The following MGAT4C variants were observed in gnomAD, a reference collection of about 807,000 sequenced individuals.
MGAT4C encodes alpha-1,3-mannosyl-glycoprotein 4-beta-N-acetylglucosaminyltransferase C.
A neutral mutation model predicts 40.1 loss-of-function variants in MGAT4C; 19 were observed. That is an observed-to-expected ratio of 0.47 (90% CI 0.33 to 0.70). The LOEUF (loss-of-function observed/expected upper bound fraction) is 0.70, where lower values mean the gene tolerates loss of function less well. Ranked by LOEUF, MGAT4C falls within the 30% of genes least tolerant of loss-of-function variation. The pLI is 0.02. For missense variants in MGAT4C, 491 were observed against 563.2 expected (o/e 0.87, Z 1.30); for synonymous variants, 181 against 187.1 (o/e 0.97, Z 0.27).
At chr12:86,351,759 TAATC>T (rs1225443478) in intron 3 of MGAT4C, among the ~76,000 whole-genome samples, 1 of 152,048 alleles carries the variant, frequency 6.6e-6, no homozygotes, top group East Asian at 1.9e-4. Flanking sequence ...CATACCATCT[TAATC>T]AGTCCTTAAA....
intron 1 of MGAT4C, among the ~76,000 whole-genome samples, chr12:86,215,252 C>T (rs960554022): frequency 6.6e-6 from 1 of 151,892 alleles, no homozygotes; most frequent in Non-Finnish European, 1.5e-5. Flanking sequence ...GTTTGTGTGA[C>T]TTAATTTCTA....
chr12:86,013,130 G>A (rs1010339865), intron 2 of MGAT4C, among the ~76,000 whole-genome samples: 1 of 152,178 alleles, frequency 6.6e-6, no homozygotes, highest in African/African-American at 2.4e-5. Context: ...GTAAGACCTT[G>A]TCTCTTCTTC....
intron 2 of MGAT4C, among the ~76,000 whole-genome samples, chr12:86,718,296 G>A (rs1275965668): frequency 3.3e-5 from 5 of 152,136 alleles, no homozygotes; most frequent in Admixed American, 3.3e-4. Flanking sequence ...GTTACCTGTT[G>A]TGGTATAAAA....
chr12:86,451,851 A>G (rs1457151686), intron 2 of MGAT4C, among the ~76,000 whole-genome samples: 2 of 152,144 alleles, frequency 1.3e-5, no homozygotes, highest in African/African-American at 4.8e-5. Context: ...TTTCACACTA[A>G]ACACACACAA....
In MGAT4C at chr12:85,976,512, C is replaced by T. The variant is rs1883993442; in HGVS notation, c.*2777G>A. ...TTTAGTGAGCTTAAATTATACAATT[C>T]TGAGGCATTATTTAAGGTGCATACT... On this transcript the variant is annotated 3_prime_UTR_variant, in exon 5 of 5. Coordinates refer to ENST00000611864, the MANE Select transcript of MGAT4C (RefSeq NM_001351288.2). The T allele has an allele frequency of 6.6e-6, 1 of 150,522 alleles. No homozygotes were observed. Among genetic ancestry groups the T allele is most frequent in the African/African-American group, 2.4e-5 (1 of 41,230 alleles). 9.3% of individuals were successfully genotyped at this position (150,522 alleles called of 1,614,324 possible). A position where few individuals can be genotyped will look rare whatever the true frequency, so the allele number is the denominator to read the frequency against.
At chr12:86,359,832 T>C (rs1267641903) in intron 3 of MGAT4C, among the ~76,000 whole-genome samples, 3 of 152,192 alleles carry the variant, frequency 2.0e-5, no homozygotes, top group Non-Finnish European at 2.9e-5. Context: ...ATTGAGGCCA[T>C]AATTAATCAC....
chr12:86,005,491 A>C (rs1429937171), intron 2 of MGAT4C, among the ~76,000 whole-genome samples: 1 of 152,146 alleles, frequency 6.6e-6, no homozygotes, highest in Non-Finnish European at 1.5e-5. Flanking sequence ...ATAAGGAACA[A>C]TTTTTACAAA....
intron 2 of MGAT4C, among the ~76,000 whole-genome samples, chr12:86,542,206 T>G (rs1959171789): frequency 6.6e-6 from 1 of 152,190 alleles, no homozygotes. Flanking sequence ...CCCTTTGTGA[T>G]TCTAAGACAT....
intron 1 of MGAT4C, among the ~76,000 whole-genome samples, chr12:86,126,674 A>G (rs1566020316): frequency 1.3e-5 from 2 of 152,236 alleles, no homozygotes; most frequent in Non-Finnish European, 2.9e-5. Context: ...TATGCAGACC[A>G]GTTAAAAATA....
chr12:86,401,416 T>C (rs1459068967), intron 3 of MGAT4C, among the ~76,000 whole-genome samples: 7 of 151,886 alleles, frequency 4.6e-5, no homozygotes, highest in Non-Finnish European at 8.8e-5. Flanking sequence ...ATTTTAACAA[T>C]AACAACAACA....
At chr12:86,409,969 G>A (rs939051438) in intron 3 of MGAT4C, among the ~76,000 whole-genome samples, 10 of 152,226 alleles carry the variant, frequency 6.6e-5, no homozygotes, top group African/African-American at 1.7e-4. Flanking sequence ...TGCCTGAGCC[G>A]CAAAACCAGC....
At chr12:86,586,881 A>AT (rs1405055685) in intron 2 of MGAT4C, among the ~76,000 whole-genome samples, 1 of 151,498 alleles carries the variant, frequency 6.6e-6, no homozygotes, top group Non-Finnish European at 1.5e-5. Context: ...GGTTGCGAAA[A>AT]TTTTCTCCCA....
intron 2 of MGAT4C, among the ~76,000 whole-genome samples, chr12:86,465,092 T>C (rs1957660636): frequency 6.6e-6 from 1 of 152,124 alleles, no homozygotes; most frequent in Non-Finnish European, 1.5e-5. Context: ...AACTCTGGGC[T>C]TTCTGTTTTA....
chr12:86,193,061 T>A (rs1889706294), intron 1 of MGAT4C, among the ~76,000 whole-genome samples: 1 of 151,810 alleles, frequency 6.6e-6, no homozygotes, highest in Admixed American at 6.6e-5. Context: ...TAAATCAGGT[T>A]TTTTTCTATT....
At chr12:86,204,696 A>G (rs1417275112) in intron 1 of MGAT4C, among the ~76,000 whole-genome samples, 1 of 152,112 alleles carries the variant, frequency 6.6e-6, no homozygotes, top group Non-Finnish European at 1.5e-5. Flanking sequence ...TTTTATTTGT[A>G]TAAACATTTA....
intron 1 of MGAT4C, among the ~76,000 whole-genome samples, chr12:86,148,660 C>T (rs1006991789): frequency 1.2e-4 from 19 of 152,162 alleles, no homozygotes; most frequent in African/African-American, 4.3e-4. Context: ...AGGCAATTAA[C>T]TTTGCTATTT....
At chr12:86,636,512 A>G (rs1963223933) in intron 2 of MGAT4C, among the ~76,000 whole-genome samples, 1 of 151,982 alleles carries the variant, frequency 6.6e-6, no homozygotes, top group African/African-American at 2.4e-5. Flanking sequence ...CAGGGCCATC[A>G]TGATGGGATT....
At chr12:86,641,527 A>C (rs1963386637) in intron 2 of MGAT4C, among the ~76,000 whole-genome samples, 1 of 151,576 alleles carries the variant, frequency 6.6e-6, no homozygotes, top group Non-Finnish European at 1.5e-5. Context: ...AATAATAATA[A>C]AATAAAAAAA....
chr12:86,720,348 T>G (rs769833490), intron 2 of MGAT4C, among the ~76,000 whole-genome samples: 6 of 152,142 alleles, frequency 3.9e-5, no homozygotes, highest in Non-Finnish European at 8.8e-5. Context: ...TATTCTTCAA[T>G]GTATTTATTG....
Sources: allele counts gnomAD v4.1 joint callset (sites outside exome capture counted in the v4.1 genomes callset), GRCh38; gene constraint gnomAD v4.1.1; transcripts MANE v1.5; gene names NCBI Gene and HGNC (gene_info 2026-07-23, HGNC 2026-07-21).